MACROD2: variants seen among roughly 807,000 people sequenced by gnomAD.
The protein encoded by MACROD2 is ADP-ribose glycohydrolase MACROD2.
A neutral mutation model predicts 70.4 loss-of-function variants in MACROD2; 36 were observed. The observed-to-expected ratio is 0.51, with a 90% CI of 0.39 to 0.68. The LOEUF (loss-of-function observed/expected upper bound fraction) is 0.68, where lower values mean the gene tolerates loss of function less well. Ranked by LOEUF, MACROD2 falls within the 30% of genes least tolerant of loss-of-function variation. The pLI, the probability that MACROD2 is intolerant of heterozygous loss-of-function variation, is 0.00. For synonymous variants in MACROD2, 172 were observed against 178.8 expected (o/e 0.96, Z 0.30); for missense variants, 496 against 538.4 (o/e 0.92, Z 0.78).
chr20:15,644,572 T>C (rs1205014400), intron 8 of MACROD2, among the ~76,000 whole-genome samples: 1 of 152,210 alleles, frequency 6.6e-6, no homozygotes, highest in Non-Finnish European at 1.5e-5. Context: ...CTATGCACTC[T>C]ATGGTTTTAT....
At chr20:15,112,370 G>C (rs17357786) in intron 5 of MACROD2, among the ~76,000 whole-genome samples, 32,853 of 152,026 alleles carry the variant, frequency 0.22, 4,834 homozygotes, top group Non-Finnish European at 0.32. Flanking sequence ...CCTCTGAAAC[G>C]GGCAACTCTT....
At position 15,024,733 on chromosome 20, in the gene MACROD2, A is replaced by G. The variant is rs567173988; in HGVS notation, c.419-205207A>G. On this transcript the variant is annotated intron_variant, in intron 5 of 17. Transcript: ENST00000684519. ...CTGTGGTTACTATAGATTACCACTG[A>G]CACAAAACATTTTTTCCATACTACT... Among the ~76,000 whole-genome samples the G allele has an allele frequency of 1.9e-3, 283 of 152,304 alleles. 1 individual carries two copies. Among genetic ancestry groups the G allele is most frequent in the African/African-American group, 6.4e-3 (268 of 41,566 alleles).
chr20:15,558,207 A>C (rs1308958629), intron 8 of MACROD2, among the ~76,000 whole-genome samples: 1 of 152,190 alleles, frequency 6.6e-6, no homozygotes, highest in Non-Finnish European at 1.5e-5. Context: ...TAGCCAGACT[A>C]TGAGCACTTC....
intron 5 of MACROD2, among the ~76,000 whole-genome samples, chr20:14,979,032 AC>A: frequency 6.7e-6 from 1 of 149,082 alleles, no homozygotes; most frequent in Non-Finnish European, 1.5e-5. Flanking sequence ...GCTCACTGCA[AC>A]CTCGGACTCC....
At chr20:14,428,967 A>G (rs940239138) in intron 3 of MACROD2, among the ~76,000 whole-genome samples, 1 of 152,130 alleles carries the variant, frequency 6.6e-6, no homozygotes, top group Non-Finnish European at 1.5e-5. Context: ...GAAGTCTAAT[A>G]TTGTCCTGTT....
At chr20:14,902,859 C>T (rs2073912936) in intron 5 of MACROD2, among the ~76,000 whole-genome samples, 1 of 151,766 alleles carries the variant, frequency 6.6e-6, no homozygotes, top group African/African-American at 2.4e-5. Flanking sequence ...AGTTCAAAGG[C>T]AGAAGAAGAG....
At chr20:15,119,332 C>G (rs901032646) in intron 5 of MACROD2, among the ~76,000 whole-genome samples, 3 of 152,078 alleles carry the variant, frequency 2.0e-5, no homozygotes, top group Non-Finnish European at 1.5e-5. Context: ...TATTTTTCTT[C>G]CTATTTACAA....
chr20:15,869,236 T>TAGAGAGAGAGAGAG (rs1423223643), intron 9 of MACROD2, among the ~76,000 whole-genome samples: 30 of 33,460 alleles, frequency 9.0e-4, no homozygotes, highest in Non-Finnish European at 9.2e-4. Flanking sequence ...TATATATATA[T>TAGAGAGAGAGAGAG]ATAGAGAGAG....
At chr20:15,309,798 A>G (rs1313414165) in intron 6 of MACROD2, among the ~76,000 whole-genome samples, 1 of 152,198 alleles carries the variant, frequency 6.6e-6, no homozygotes, top group Non-Finnish European at 1.5e-5. Context: ...GAAGGCTTCA[A>G]AGAGAAAGTG....
chr20:15,664,199 T>G lies in MACROD2; in HGVS notation c.645+164352T>G, dbSNP rs532179727. Among the ~76,000 whole-genome samples, 5 of 152,278 alleles carry G rather than the reference T, an allele frequency of 3.3e-5. No homozygotes were observed. The South Asian group carries it at 1.0e-3, about 32-fold the overall frequency. On this transcript the variant is annotated intron_variant, in intron 8 of 17. Coordinates refer to ENST00000684519, the MANE Select transcript of MACROD2 (RefSeq NM_001351661.2). ...AAATGTGGCAAGAGTTCTGTGAAGATTCAGACAAGTCTCACTTTGTTAAGA... is the reference window on the plus strand; with the variant it reads ...AAATGTGGCAAGAGTTCTGTGAAGAGTCAGACAAGTCTCACTTTGTTAAGA...
chr20:15,021,683 G>A (rs1304116092), intron 5 of MACROD2: 2 of 152,008 alleles, frequency 1.3e-5, no homozygotes, highest in Admixed American at 1.3e-4. Context: ...AATACCAGAA[G>A]TTGCCAGGCA....
intron 4 of MACROD2, among the ~76,000 whole-genome samples, chr20:14,664,782 C>T (rs141453605): frequency 2.5e-4 from 38 of 152,078 alleles, no homozygotes; most frequent in Admixed American, 1.9e-3. Context: ...TCAAAACCAT[C>T]CTTAAAGAAA....
intron 6 of MACROD2, among the ~76,000 whole-genome samples, chr20:15,431,070 G>A (rs931785433): frequency 5.9e-5 from 9 of 151,960 alleles, no homozygotes; most frequent in Non-Finnish European, 1.3e-4. Context: ...TAATTAGAAA[G>A]GGATGAGTTC....
chr20:15,462,194 T>C (rs2046828775), intron 7 of MACROD2, among the ~76,000 whole-genome samples: 1 of 152,164 alleles, frequency 6.6e-6, no homozygotes, highest in East Asian at 1.9e-4. Context: ...ACCATTTACA[T>C]GAAGTGAAAA....
At chr20:15,202,257 G>T (rs2076663058) in intron 5 of MACROD2, among the ~76,000 whole-genome samples, 1 of 152,134 alleles carries the variant, frequency 6.6e-6, no homozygotes, top group African/African-American at 2.4e-5. Context: ...TGACAGTGTG[G>T]TGGCTATATG....
chr20:14,967,123 T>G (rs564180149), intron 5 of MACROD2, among the ~76,000 whole-genome samples: 57 of 152,364 alleles, frequency 3.7e-4, no homozygotes, highest in Non-Finnish European at 7.5e-4. Flanking sequence ...ATTTGAATCT[T>G]TTTTTGTAAA....
intron 9 of MACROD2, among the ~76,000 whole-genome samples, chr20:15,875,929 G>A (rs1276515157): frequency 6.7e-6 from 1 of 150,256 alleles, no homozygotes. Flanking sequence ...AAATGCAGGG[G>A]AAAAAAAAGT....
intron 5 of MACROD2, among the ~76,000 whole-genome samples, chr20:15,014,196 G>T (rs926576263): frequency 6.6e-6 from 1 of 152,104 alleles, no homozygotes; most frequent in Non-Finnish European, 1.5e-5. Flanking sequence ...ATCTTTTAAA[G>T]AAAATTTATG....
At chr20:14,125,306 A>G (rs747103315) in intron 3 of MACROD2, among the ~76,000 whole-genome samples, 1 of 152,200 alleles carries the variant, frequency 6.6e-6, no homozygotes, top group Non-Finnish European at 1.5e-5. Context: ...TTTATGTTAT[A>G]TAAGTTTTAC....
Sources: allele counts gnomAD v4.1 joint callset (sites outside exome capture counted in the v4.1 genomes callset), GRCh38; gene constraint gnomAD v4.1.1; transcripts MANE v1.5; gene names NCBI Gene and HGNC (gene_info 2026-07-23, HGNC 2026-07-21).